The following LRRC7 variants were observed in gnomAD, a reference collection of about 807,000 sequenced individuals.
LRRC7 encodes the protein leucine-rich repeat-containing protein 7.
A neutral mutation model predicts 175.7 loss-of-function variants in LRRC7; 23 were observed. That is an observed-to-expected ratio of 0.13 (90% CI 0.09 to 0.19). The LOEUF (loss-of-function observed/expected upper bound fraction) is 0.19. Among genes scored for constraint, LRRC7 ranks in the 10% least tolerant of loss-of-function variants. The pLI is 1.00. For missense variants in LRRC7, 1,354 were observed against 1,904.7 expected (o/e 0.71, Z 5.38); for synonymous variants, 685 against 680.9 (o/e 1.01, Z -0.09).
chr1:69,893,068 A>G (rs994919597), intron 7 of LRRC7, among the ~76,000 whole-genome samples: 1 of 152,170 alleles, frequency 6.6e-6, no homozygotes, highest in Non-Finnish European at 1.5e-5. Context: ...ATTTTTAAAA[A>G]CACATCCAGG....
intron 2 of LRRC7, among the ~76,000 whole-genome samples, chr1:69,706,711 G>C (rs1018882889): frequency 6.6e-6 from 1 of 152,086 alleles, no homozygotes; most frequent in African/African-American, 2.4e-5. Context: ...CAGGAAGCAG[G>C]AACACAGCAT....
At chr1:70,050,192 C>A (rs1660647375) in intron 22 of LRRC7, among the ~76,000 whole-genome samples, 1 of 152,006 alleles carries the variant, frequency 6.6e-6, no homozygotes, top group Non-Finnish European at 1.5e-5. Flanking sequence ...GAGAAAGAGG[C>A]ATACATATGC....
chr1:69,799,766 T>C (rs1676244376), intron 4 of LRRC7, among the ~76,000 whole-genome samples: 1 of 152,124 alleles, frequency 6.6e-6, no homozygotes, highest in African/African-American at 2.4e-5. Context: ...GTTTTGTTAA[T>C]TGTGCTTTAG....
intron 5 of LRRC7, among the ~76,000 whole-genome samples, chr1:69,829,964 T>C (rs918021216): frequency 1.3e-5 from 2 of 151,770 alleles, no homozygotes; most frequent in African/African-American, 4.8e-5. Context: ...TAATGATAAA[T>C]AACTCCTCAA....
intron 1 of LRRC7, among the ~76,000 whole-genome samples, chr1:69,612,425 G>T (rs1460466251): frequency 6.6e-6 from 1 of 151,918 alleles, no homozygotes; most frequent in Non-Finnish European, 1.5e-5. Context: ...TTAGGTTACT[G>T]GACATTCTGC....
intron 7 of LRRC7, among the ~76,000 whole-genome samples, chr1:69,916,780 A>G (rs1455230331): frequency 6.6e-6 from 1 of 152,162 alleles, no homozygotes; most frequent in Non-Finnish European, 1.5e-5. Flanking sequence ...TTGGCAAGTT[A>G]CTTGCGCTCA....
At chr1:69,859,018 A>G (rs1684050771) in intron 7 of LRRC7, among the ~76,000 whole-genome samples, 1 of 152,144 alleles carries the variant, frequency 6.6e-6, no homozygotes, top group South Asian at 2.1e-4. Context: ...GAAAGGAGCA[A>G]TTGACAGCAA....
chr1:69,781,402 C>T (rs1412280701), intron 3 of LRRC7, among the ~76,000 whole-genome samples: 1 of 151,874 alleles, frequency 6.6e-6, no homozygotes, highest in Non-Finnish European at 1.5e-5. Context: ...GGCTTTGTGG[C>T]TGGGCATGGT....
intron 11 of LRRC7, among the ~76,000 whole-genome samples, chr1:70,006,703 A>C (rs1205712665): frequency 6.6e-6 from 1 of 151,916 alleles, no homozygotes; most frequent in Non-Finnish European, 1.5e-5. Flanking sequence ...GTCCCACAAA[A>C]CTATCCCCCC....
chr1:69,968,072 G>A lies in LRRC7; in HGVS notation c.712-12307G>A, dbSNP rs150511917. 2.9e-3 allele frequency among the ~76,000 whole-genome samples: 438 copies of A among 151,850 alleles called. 1 individual carries two copies. Among genetic ancestry groups the A allele is most frequent in the African/African-American group, 9.6e-3 (398 of 41,396 alleles). ...AAAAAAATGATACAAGAAGTGAGGG[G>A]AGAAATATTCAATGAAATAGATAGC... On this transcript the variant is annotated intron_variant, in intron 8 of 26. Coordinates refer to ENST00000651989, the MANE Select transcript of LRRC7 (RefSeq NM_001370785.2).
chr1:69,939,144 A>G (rs1278320427), intron 8 of LRRC7, among the ~76,000 whole-genome samples: 2 of 151,310 alleles, frequency 1.3e-5, no homozygotes, highest in Non-Finnish European at 2.9e-5. Flanking sequence ...CAATTTCTGT[A>G]TCAATGAGAG....
At chr1:69,785,758 CCAAA>C (rs1457209918) in intron 3 of LRRC7, among the ~76,000 whole-genome samples, 3 of 151,808 alleles carry the variant, frequency 2.0e-5, no homozygotes, top group Admixed American at 6.6e-5. Flanking sequence ...TGCCTTCCTC[CCAAA>C]CAATGAAAAA....
chr1:69,583,290 T>C (rs1037578552), intron 1 of LRRC7, among the ~76,000 whole-genome samples: 2 of 152,024 alleles, frequency 1.3e-5, no homozygotes, highest in African/African-American at 4.8e-5. Context: ...ACTATACTTT[T>C]ACAAATAAAT....
At chr1:70,075,460 C>G (rs1247866076) in intron 23 of LRRC7, among the ~76,000 whole-genome samples, 1 of 152,200 alleles carries the variant, frequency 6.6e-6, no homozygotes, top group Non-Finnish European at 1.5e-5. Flanking sequence ...ATTAATCTCT[C>G]TGAAAGCTCA....
At chr1:69,864,786 A>G (rs1003751901) in intron 7 of LRRC7, among the ~76,000 whole-genome samples, 1 of 152,168 alleles carries the variant, frequency 6.6e-6, no homozygotes, top group African/African-American at 2.4e-5. Context: ...AGGAATTTCT[A>G]ACAAGCAGAG....
intron 3 of LRRC7, among the ~76,000 whole-genome samples, chr1:69,791,520 T>A (rs183657366): frequency 2.2e-4 from 33 of 152,170 alleles, no homozygotes; most frequent in African/African-American, 7.2e-4. Context: ...AAATGTCTCA[T>A]GCACCAAATA....
At chr1:69,941,537 A>G in intron 8 of LRRC7, among the ~76,000 whole-genome samples, 1 of 151,936 alleles carries the variant, frequency 6.6e-6, no homozygotes, top group East Asian at 1.9e-4. Flanking sequence ...AAATCTTTAA[A>G]CTATAGCTAG....
chr1:69,610,626 TG>T (rs1230519267), intron 1 of LRRC7, among the ~76,000 whole-genome samples: 1 of 152,060 alleles, frequency 6.6e-6, no homozygotes, highest in Admixed American at 6.6e-5. Context: ...TAAATATTTT[TG>T]TTGTATTTTA....
intron 4 of LRRC7, among the ~76,000 whole-genome samples, chr1:69,802,958 G>A (rs1434544354): frequency 6.6e-6 from 1 of 150,892 alleles, no homozygotes; most frequent in African/African-American, 2.4e-5. Context: ...TTATTTCTAT[G>A]CTCTATATGA....
Sources: gnomAD v4.1 joint callset for allele counts (sites outside exome capture counted in the v4.1 genomes callset) on GRCh38, gnomAD v4.1.1 for gene constraint, MANE v1.5 for transcripts, NCBI Gene and HGNC (gene_info 2026-07-23, HGNC 2026-07-21) for gene names.